The following LAMA4 variants were observed in gnomAD, a reference collection of about 807,000 sequenced individuals.
The protein encoded by LAMA4 is laminin subunit alpha-4.
Under a neutral mutation model 207.1 loss-of-function variants are expected in LAMA4, and 127 were observed. The observed-to-expected ratio is 0.61, with a 90% CI of 0.53 to 0.71. LAMA4 has a LOEUF of 0.71. Ranked by LOEUF, LAMA4 falls within the 30% of genes least tolerant of loss-of-function variation. The pLI is 0.00. For missense variants in LAMA4, 2,093 were observed against 2,246.5 expected (o/e 0.93, Z 1.38); for synonymous variants, 761 against 816.0 (o/e 0.93, Z 1.15).
At chr6:112,191,613 GC>G (rs1783124728) in intron 6 of LAMA4, 22 bp downstream of exon 6, 2 of 1,559,846 alleles carry the variant, frequency 1.3e-6, no homozygotes, top group Non-Finnish European at 1.8e-6. Flanking sequence ...CAGGCAGCTG[GC>G]TTAGTATTTA....
At chr6:112,226,286 T>G (rs1271357065) in intron 2 of LAMA4, among the ~76,000 whole-genome samples, 1 of 152,214 alleles carries the variant, frequency 6.6e-6, no homozygotes, top group East Asian at 1.9e-4. Context: ...TAAAATTCCT[T>G]AGCATGACAT....
intron 10 of LAMA4, among the ~76,000 whole-genome samples, chr6:112,176,644 T>G (rs1281050919): frequency 6.6e-6 from 1 of 152,198 alleles, no homozygotes; most frequent in Admixed American, 6.5e-5. Flanking sequence ...AATGTAAATA[T>G]TTTTTCCTCA....
At chr6:112,233,659 A>AT (rs1161855840) in intron 2 of LAMA4, among the ~76,000 whole-genome samples, 2 of 151,984 alleles carry the variant, frequency 1.3e-5, no homozygotes, top group Non-Finnish European at 2.9e-5. Flanking sequence ...TTTGTGGAGG[A>AT]TTTTCTGAAA....
chr6:112,150,503 A>T lies in LAMA4; in HGVS notation c.2173+8T>A, dbSNP rs782405586. The stretch of plus-strand genomic sequence containing the variant: ...ACAGATGAGACTTCAATTCTCTCTG[A>T]TGCTTACCTCTCTCTGCTGCTTGTA... On this transcript the variant is annotated splice_region_variant and intron_variant, in intron 17 of 38. Coordinates refer to ENST00000230538, the MANE Select transcript of LAMA4 (RefSeq NM_001105206.3). The T allele has an allele frequency of 1.3e-6, 2 of 1,553,988 alleles. No homozygotes were observed. Among genetic ancestry groups the T allele is most frequent in the Non-Finnish European group, 1.8e-6 (2 of 1,125,102 alleles).
chr6:112,152,026 T>C (rs1412384551), intron 16 of LAMA4, among the ~76,000 whole-genome samples: 8 of 152,138 alleles, frequency 5.3e-5, no homozygotes, highest in African/African-American at 1.4e-4. Flanking sequence ...TATTGCACTT[T>C]ATAGGTGTGC....
intron 9 of LAMA4, 74 bp from the exon 10 acceptor site, chr6:112,178,306 G>T (rs1782143069): frequency 1.9e-6 from 2 of 1,029,030 alleles, no homozygotes; most frequent in African/African-American, 1.6e-5. Context: ...ATAGGGGTGG[G>T]TGGGCATAAT....
intron 2 of LAMA4, among the ~76,000 whole-genome samples, chr6:112,243,564 C>T (rs1786685102): frequency 6.6e-6 from 1 of 151,978 alleles, no homozygotes; most frequent in Non-Finnish European, 1.5e-5. Context: ...CAAGGGTGAT[C>T]TGGTTGTTAG....
intron 9 of LAMA4, chr6:112,179,573 GT>G: frequency 6.5e-6 from 1 of 155,000 alleles, no homozygotes; most frequent in Non-Finnish European, 1.4e-5. Flanking sequence ...ATTATACAGA[GT>G]TTCCTGAGGA....
At chr6:112,204,659 G>T (rs994711654) in intron 4 of LAMA4, among the ~76,000 whole-genome samples, 42 of 136,888 alleles carry the variant, frequency 3.1e-4, no homozygotes, top group African/African-American at 1.5e-3. Context: ...TGATTAAAAC[G>T]AATGCTTGAG....
In LAMA4 at chr6:112,108,361, G is replaced by GA. The variant is rs1234588282; in HGVS notation, c.*1075dup. Among the ~76,000 whole-genome samples, 1 of 151,980 alleles carries GA rather than the reference G, an allele frequency of 6.6e-6. No individual in the cohort carries two copies. The highest frequency in any genetic ancestry group is 2.4e-5 in the African/African-American group (1 of 41,334). On this transcript the variant is annotated 3_prime_UTR_variant, in exon 39 of 39. Transcript: ENST00000230538. ...TAGACTATATTAATGTAGCTACTTG[G>GA]AAAAAAGATTATAACATTTTAGAAA...
chr6:112,139,404 A>G (rs1779548547), intron 23 of LAMA4, 113 bp from the exon 24 acceptor site: 48 of 1,140,686 alleles, frequency 4.2e-5, no homozygotes, highest in Non-Finnish European at 6.1e-5. Context: ...CAACATTTAA[A>G]TGAAGTCCTG....
intron 2 of LAMA4, among the ~76,000 whole-genome samples, chr6:112,248,832 G>C (rs1285276615): frequency 5.9e-5 from 9 of 152,052 alleles, no homozygotes; most frequent in Non-Finnish European, 1.3e-4. Context: ...CTATCAGGAA[G>C]ACTCCCTGGT....
chr6:112,111,340 G>A (rs782595826), intron 38 of LAMA4, among the ~76,000 whole-genome samples: 9 of 151,922 alleles, frequency 5.9e-5, no homozygotes, highest in African/African-American at 1.5e-4. Context: ...CACCATGTCC[G>A]GCAGAAAAAA....
rs782395813 is a variant in LAMA4 at position 112,155,559 on chromosome 6, A to G, written c.1959+6T>C. On this transcript the variant is annotated splice_donor_region_variant and intron_variant, in intron 15 of 38. Coordinates refer to ENST00000230538, the MANE Select transcript of LAMA4 (RefSeq NM_001105206.3). ...AAGGTATAAAGAACTTTCAGGGAAT[A>G]CTCACATCATAAATTCGGTCAGTGG... 3.7e-6 allele frequency: 6 copies of G among 1,613,970 alleles called. No individual in the cohort carries two copies. Among genetic ancestry groups the G allele is most frequent in the Non-Finnish European group, 2.5e-6 (3 of 1,179,956 alleles).
intron 15 of LAMA4, chr6:112,155,346 CAAAG>C: frequency 3.4e-6 from 2 of 595,752 alleles, no homozygotes. Context: ...AATAAACTGT[CAAAG>C]GAACTGGCAT....
chr6:112,200,001 TG>T (rs1783639321), intron 5 of LAMA4: 1 of 458,334 alleles, frequency 2.2e-6, no homozygotes, highest in Admixed American at 2.8e-5. Context: ...CTAAACACAA[TG>T]GTGAGGCCAA....
At chr6:112,239,948 C>T (rs920461262) in intron 2 of LAMA4, among the ~76,000 whole-genome samples, 4 of 151,958 alleles carry the variant, frequency 2.6e-5, no homozygotes, top group African/African-American at 9.7e-5. Context: ...CCTGTAGTCC[C>T]GGGAGGCTGA....
At position 112,248,242 on chromosome 6, in the gene LAMA4, T is replaced by C. The variant is rs1787145467; in HGVS notation, c.195+5714A>G. 3.9e-5 allele frequency among the ~76,000 whole-genome samples: 6 copies of C among 152,200 alleles called. No individual in the cohort carries two copies. In the South Asian group the frequency reaches 1.2e-3, roughly 31 times the overall value. On this transcript the variant is annotated intron_variant, in intron 2 of 38. Coordinates refer to ENST00000230538, the MANE Select transcript of LAMA4 (RefSeq NM_001105206.3). ...ATGGCCAGGTGCAGTGGCTCATGCC[T>C]GTAATCCCAGCACTTTGGGAGGCCG...
rs989179870 is a variant in LAMA4 at position 112,132,971 on chromosome 6, C to T, written c.3697-81G>A. 1.8e-5 allele frequency: 25 copies of T among 1,421,648 alleles called. No homozygotes were observed. In the African/African-American group the frequency reaches 2.5e-4, roughly 14 times the overall value. 88.1% of individuals were successfully genotyped at this position (1,421,648 alleles called of 1,614,324 possible). A position where few individuals can be genotyped will look rare whatever the true frequency, so the allele number is the denominator to read the frequency against. On this transcript the variant is annotated intron_variant, in intron 27 of 38. Transcript: ENST00000230538. ...CTATCAATGTTTCACATACGGAAGGCCTTGCCTGTTAATTTCTACGTAAAT... is the reference window on the plus strand; with the variant it reads ...CTATCAATGTTTCACATACGGAAGGTCTTGCCTGTTAATTTCTACGTAAAT...
Sources: gnomAD v4.1 joint callset for allele counts (sites outside exome capture counted in the v4.1 genomes callset) on GRCh38, gnomAD v4.1.1 for gene constraint, MANE v1.5 for transcripts, NCBI Gene and HGNC (gene_info 2026-07-23, HGNC 2026-07-21) for gene names.